Variants in TRIM24 observed in about 807,000 individuals in gnomAD.
TRIM24 encodes the protein transcription intermediary factor 1-alpha.
In TRIM24, 29 loss-of-function variants were observed where a neutral mutation model predicts 123.9. That is an observed-to-expected ratio of 0.23 (90% CI 0.17 to 0.32). The LOEUF is 0.32. Ranked by LOEUF, TRIM24 falls within the 10% of genes least tolerant of loss-of-function variation. The pLI is 1.00. For synonymous variants in TRIM24, 456 were observed against 461.1 expected (o/e 0.99, Z 0.14); for missense variants, 932 against 1,295.3 (o/e 0.72, Z 4.31).
At chr7:138,465,299 G>C (rs1036677418) in intron 1 of TRIM24, among the ~76,000 whole-genome samples, 2 of 152,218 alleles carry the variant, frequency 1.3e-5, no homozygotes, top group Non-Finnish European at 2.9e-5. Context: ...TTAGTATGCA[G>C]TTATATCTAG....
intron 1 of TRIM24, among the ~76,000 whole-genome samples, chr7:138,471,018 C>T (rs1223896015): frequency 2.0e-5 from 3 of 152,126 alleles, no homozygotes; most frequent in African/African-American, 7.2e-5. Context: ...AGGCTCTTAT[C>T]AGTTTTATTG....
intron 4 of TRIM24, 127 bp from the exon 5 acceptor site, chr7:138,525,114 T>A: frequency 4.4e-6 from 2 of 451,044 alleles, no homozygotes; most frequent in Non-Finnish European, 7.8e-6. Context: ...AGGGATACGT[T>A]TGATGTTTTA....
chr7:138,496,024 A>T (rs1473101079), intron 1 of TRIM24, among the ~76,000 whole-genome samples: 1 of 152,238 alleles, frequency 6.6e-6, no homozygotes, highest in Non-Finnish European at 1.5e-5. Flanking sequence ...TCTTGAAATC[A>T]AGTAGCATAA....
At chr7:138,527,617 GTC>G (rs1462351796) in intron 5 of TRIM24, among the ~76,000 whole-genome samples, 1 of 152,210 alleles carries the variant, frequency 6.6e-6, no homozygotes, top group Non-Finnish European at 1.5e-5. Flanking sequence ...AGGAAATAAA[GTC>G]TCTGCCAGTT....
chr7:138,487,276 A>G (rs28840122), intron 1 of TRIM24, among the ~76,000 whole-genome samples: 1,986 of 152,308 alleles, frequency 0.013, 36 homozygotes, highest in African/African-American at 0.045. Context: ...CAATCATGTC[A>G]TCTGCAAACA....
intron 2 of TRIM24, among the ~76,000 whole-genome samples, chr7:138,505,506 G>GGTT (rs1554436131): frequency 8.0e-5 from 4 of 50,126 alleles, no homozygotes; most frequent in African/African-American, 8.4e-5. Flanking sequence ...TTTTGGGGGT[G>GGTT]GTGGTTGTTG....
chr7:138,507,675 A>G (rs1429332644), intron 2 of TRIM24, among the ~76,000 whole-genome samples: 3 of 152,170 alleles, frequency 2.0e-5, no homozygotes, highest in African/African-American at 7.2e-5. Context: ...TTCTGTAAAC[A>G]TAACTACCAT....
chr7:138,499,251 G>A (rs1375948281), intron 1 of TRIM24, among the ~76,000 whole-genome samples: 2 of 152,206 alleles, frequency 1.3e-5, no homozygotes, highest in East Asian at 3.9e-4. Context: ...CTTTGTCTGA[G>A]AGTATTATTA....
intron 1 of TRIM24, among the ~76,000 whole-genome samples, chr7:138,490,101 T>G (rs897471468): frequency 6.6e-6 from 1 of 152,224 alleles, no homozygotes; most frequent in Non-Finnish European, 1.5e-5. Flanking sequence ...TTCATTCATT[T>G]GATCTTCAAT....
chr7:138,469,657 C>T (rs1795228151), intron 1 of TRIM24, among the ~76,000 whole-genome samples: 1 of 152,126 alleles, frequency 6.6e-6, no homozygotes, highest in Non-Finnish European at 1.5e-5. Flanking sequence ...TCCAAAATGG[C>T]ATGACTAAGT....
chr7:138,554,673 C>A lies in TRIM24; in HGVS notation c.1262-25C>A. ...TCACCAACTATCTGAAAAACTGTTTCCCTTAACCTTTTCTTTTTAATTAGG... is the reference window on the plus strand; with the variant it reads ...TCACCAACTATCTGAAAAACTGTTTACCTTAACCTTTTCTTTTTAATTAGG... On this transcript the variant is annotated intron_variant, in intron 8 of 18. Transcript: ENST00000343526. This position sits in a 1 kb window ranked among gnomAD's most constrained non-coding sequence, Gnocchi z 4.5. 6.2e-7 allele frequency: 1 copy of A among 1,604,886 alleles called. No homozygotes were observed. The highest frequency in any genetic ancestry group is 8.5e-7 in the Non-Finnish European group (1 of 1,173,518).
intron 4 of TRIM24, among the ~76,000 whole-genome samples, chr7:138,522,914 A>G (rs1423649592): frequency 2.0e-5 from 3 of 152,232 alleles, no homozygotes; most frequent in East Asian, 1.9e-4. Context: ...GAAAAACATC[A>G]GTCAATCAAG....
chr7:138,495,343 T>C (rs968977278), intron 1 of TRIM24, among the ~76,000 whole-genome samples: 4 of 152,114 alleles, frequency 2.6e-5, no homozygotes, highest in African/African-American at 9.7e-5. Flanking sequence ...TAGCAGCATA[T>C]TGTGGGATTT....
chr7:138,526,227 G>A (rs920077157), intron 5 of TRIM24, among the ~76,000 whole-genome samples: 1 of 152,134 alleles, frequency 6.6e-6, no homozygotes, highest in Admixed American at 6.5e-5. Context: ...TATCATTTTG[G>A]AACATAGCTG....
intron 13 of TRIM24, 101 bp from the exon 14 acceptor site, chr7:138,577,319 G>T: frequency 1.1e-6 from 1 of 915,384 alleles, no homozygotes; most frequent in Non-Finnish European, 1.6e-6. Flanking sequence ...CATACTTATT[G>T]TTGTGAAGAT....
At chr7:138,516,828 T>TC (rs1160513200) in intron 3 of TRIM24, among the ~76,000 whole-genome samples, 17 of 151,328 alleles carry the variant, frequency 1.1e-4, no homozygotes, top group Admixed American at 8.6e-4. Flanking sequence ...TTTTTTTTTT[T>TC]TGAGACTAGT....
At chr7:138,575,197 T>C (rs1324765246) in intron 12 of TRIM24, among the ~76,000 whole-genome samples, 1 of 152,186 alleles carries the variant, frequency 6.6e-6, no homozygotes, top group Non-Finnish European at 1.5e-5. Flanking sequence ...TGTTTATATA[T>C]GGATGGAGAA....
Position 138,577,427 on chromosome 7 carries a change from T to C in TRIM24, c.2095T>C (p.Ser699Pro). The C allele has an allele frequency of 1.3e-6, 2 of 1,571,924 alleles. No homozygotes were observed. The highest frequency in any genetic ancestry group is 1.7e-6 in the Non-Finnish European group (2 of 1,161,994). Residue 699 changes from serine (S) to proline (P), a missense_variant, in exon 14 of 19, where the codon TCT becomes CCT. Coordinates refer to ENST00000343526, the MANE Select transcript of TRIM24 (RefSeq NM_015905.3). ...TCTCTCTCATACTTACAGCTCTGGCTCTTCCAGCAAACCAGCAGGAGCTGA... is the reference window on the plus strand; with the variant it reads ...TCTCTCTCATACTTACAGCTCTGGCCCTTCCAGCAAACCAGCAGGAGCTGA... ...SSVGSRGSSGSSSKPAGADST... is the reference protein window; with the variant it reads ...SSVGSRGSSGPSSKPAGADST...
At chr7:138,475,385 A>G (rs1349976206) in intron 1 of TRIM24, among the ~76,000 whole-genome samples, 1 of 152,218 alleles carries the variant, frequency 6.6e-6, no homozygotes, top group East Asian at 1.9e-4. Flanking sequence ...AAAAGAAACA[A>G]ATACAATGAA....
Sources: gnomAD v4.1 joint callset for allele counts (sites outside exome capture counted in the v4.1 genomes callset) on GRCh38, gnomAD v4.1.1 for gene constraint, Gnocchi (gnomAD v3.1) non-coding constraint, MANE v1.5 for transcripts, NCBI Gene and HGNC (gene_info 2026-07-23, HGNC 2026-07-21) for gene names.